Variants in ZNF704 observed in about 807,000 individuals in gnomAD.
ZNF704 encodes the protein zinc finger protein 704.
A neutral mutation model predicts 44.7 loss-of-function variants in ZNF704; 10 were observed. The observed-to-expected ratio is 0.22, with a 90% CI of 0.14 to 0.38. ZNF704 has a LOEUF of 0.38. Ranked by LOEUF, ZNF704 falls within the 10% of genes least tolerant of loss-of-function variation. The pLI, the probability that ZNF704 is intolerant of heterozygous loss-of-function variation, is 1.00. For synonymous variants in ZNF704, 211 were observed against 207.6 expected, an observed-to-expected ratio of 1.02 and a Z score of -0.14; for missense variants, 390 against 545.5, an observed-to-expected ratio of 0.71 and a Z score of 2.84.
chr8:80,711,192 GTATGT>G (rs1366709972), intron 2 of ZNF704, among the ~76,000 whole-genome samples: 5 of 152,164 alleles, frequency 3.3e-5, no homozygotes, highest in Non-Finnish European at 7.3e-5. Context: ...CAACAGCTCT[GTATGT>G]TCTAGCCTTC....
At chr8:80,756,340 A>C (rs1807034383) in intron 2 of ZNF704, among the ~76,000 whole-genome samples, 1 of 152,196 alleles carries the variant, frequency 6.6e-6, no homozygotes, top group Non-Finnish European at 1.5e-5. Flanking sequence ...TTCATTACTG[A>C]TTATGTACCA....
intron 2 of ZNF704, 100 bp from the exon 3 acceptor site, chr8:80,693,207 C>G: frequency 1.0e-6 from 1 of 958,518 alleles, no homozygotes; most frequent in Non-Finnish European, 1.7e-6. Flanking sequence ...ATTAACTTAT[C>G]CCCATGAACA....
At chr8:80,796,556 T>C (rs937679055) in intron 2 of ZNF704, among the ~76,000 whole-genome samples, 3 of 152,330 alleles carry the variant, frequency 2.0e-5, no homozygotes, top group South Asian at 2.1e-4. Flanking sequence ...CACAAACAAA[T>C]GTATTCATTC....
chr8:80,821,151 T>A (rs537696448), intron 2 of ZNF704, among the ~76,000 whole-genome samples: 65 of 152,346 alleles, frequency 4.3e-4, no homozygotes, highest in African/African-American at 1.2e-3. Context: ...GAATAAAACA[T>A]TTCTTTTCTA....
At position 80,821,598 on chromosome 8, in the gene ZNF704, C is replaced by T; in HGVS notation, c.-4G>A. ...CTGACTGAAATGTGAAGGTCATTTC[C>T]CGCTTAATGCTCCCCACCTGTGAAA... On this transcript the variant is annotated 5_prime_UTR_variant, in exon 2 of 9. Coordinates refer to ENST00000327835, the MANE Select transcript of ZNF704 (RefSeq NM_001033723.3). 6.2e-7 allele frequency: 1 copy of T among 1,612,804 alleles called. No individual in the cohort carries two copies.
intron 2 of ZNF704, among the ~76,000 whole-genome samples, chr8:80,815,355 A>G (rs954935389): frequency 6.6e-6 from 1 of 152,226 alleles, no homozygotes; most frequent in Non-Finnish European, 1.5e-5. Flanking sequence ...CTTTAGAGTT[A>G]TAATTAGAAG....
At chr8:80,858,451 G>A (rs968213843) in intron 1 of ZNF704, among the ~76,000 whole-genome samples, 1 of 152,144 alleles carries the variant, frequency 6.6e-6, no homozygotes, top group African/African-American at 2.4e-5. Context: ...TATTGATGGA[G>A]CTGGGCACGG....
intron 2 of ZNF704, among the ~76,000 whole-genome samples, chr8:80,766,051 T>A (rs1437162452): frequency 6.6e-6 from 1 of 152,164 alleles, no homozygotes; most frequent in African/African-American, 2.4e-5. Context: ...CAATTACTAC[T>A]CCTTCTCTTG....
chr8:80,661,509 A>C (rs1414286165), intron 6 of ZNF704, among the ~76,000 whole-genome samples: 1 of 152,220 alleles, frequency 6.6e-6, no homozygotes, highest in African/African-American at 2.4e-5. Context: ...TTATTGCAGC[A>C]CTATTCACAA....
intron 4 of ZNF704, among the ~76,000 whole-genome samples, chr8:80,676,041 TG>T (rs1451689158): frequency 1.3e-5 from 2 of 152,184 alleles, no homozygotes; most frequent in East Asian, 3.9e-4. Context: ...TAGAAGAAAG[TG>T]TCTTAGGAAG....
intron 2 of ZNF704, among the ~76,000 whole-genome samples, chr8:80,753,119 C>T (rs1272691179): frequency 6.6e-6 from 1 of 152,188 alleles, no homozygotes; most frequent in Non-Finnish European, 1.5e-5. Context: ...TAAAAGCTGG[C>T]CACTGTTATG....
intron 2 of ZNF704, among the ~76,000 whole-genome samples, chr8:80,759,353 T>C (rs954842100): frequency 2.0e-5 from 3 of 151,910 alleles, no homozygotes; most frequent in African/African-American, 7.3e-5. Context: ...GTGAGTAATA[T>C]TTAAATCAAC....
chr8:80,703,650 G>A (rs567685074), intron 2 of ZNF704, among the ~76,000 whole-genome samples: 1 of 152,102 alleles, frequency 6.6e-6, no homozygotes, highest in Admixed American at 6.5e-5. Flanking sequence ...AATTTTTTAA[G>A]TTTCTGTAGA....
intron 2 of ZNF704, among the ~76,000 whole-genome samples, chr8:80,767,769 C>G (rs1807252374): frequency 6.6e-6 from 1 of 152,190 alleles, no homozygotes; most frequent in South Asian, 2.1e-4. Context: ...AAGAAATTCA[C>G]TTCGCTCTAC....
intron 2 of ZNF704, among the ~76,000 whole-genome samples, chr8:80,795,761 A>T (rs1484639853): frequency 1.3e-5 from 2 of 152,076 alleles, no homozygotes; most frequent in South Asian, 2.1e-4. Flanking sequence ...TAATATAACA[A>T]TGAAATTATG....
At chr8:80,847,004 C>A (rs1484249768) in intron 1 of ZNF704, among the ~76,000 whole-genome samples, 1 of 152,024 alleles carries the variant, frequency 6.6e-6, no homozygotes, top group Non-Finnish European at 1.5e-5. Context: ...GAAACCCTGT[C>A]TCTACTAAAA....
intron 2 of ZNF704, among the ~76,000 whole-genome samples, chr8:80,754,101 C>T (rs1306671235): frequency 6.6e-6 from 1 of 152,198 alleles, no homozygotes; most frequent in Admixed American, 6.5e-5. Context: ...TGTCTACTCC[C>T]AAACCTAAAG....
chr8:80,631,003 TAA>T lies in ZNF704; in HGVS notation c.*10361_*10362del, dbSNP rs977748881. The T allele has an allele frequency of 5.3e-5, 8 of 152,308 alleles. No individual in the cohort carries two copies. The highest frequency in any genetic ancestry group is 1.0e-4 in the Non-Finnish European group (7 of 68,018). 9.4% of individuals were successfully genotyped at this position (152,308 alleles called of 1,614,324 possible). ...ATTTTTTAGTTCTTCCCTAAAAAGCTAAGTCTTTTCTAAAGCTTTCTACCAAT... is the reference window on the plus strand; with the variant it reads ...ATTTTTTAGTTCTTCCCTAAAAAGCTGTCTTTTCTAAAGCTTTCTACCAAT... On this transcript the variant is annotated 3_prime_UTR_variant, in exon 9 of 9. Coordinates refer to ENST00000327835, the MANE Select transcript of ZNF704 (RefSeq NM_001033723.3).
chr8:80,692,919 G>T (rs1339891745), intron 3 of ZNF704, 85 bp downstream of exon 3: 5 of 1,233,128 alleles, frequency 4.1e-6, no homozygotes, highest in African/African-American at 3.0e-5. Context: ...GGTTCATAGC[G>T]CTTGACAGGA....
Sources: allele counts gnomAD v4.1 joint callset (sites outside exome capture counted in the v4.1 genomes callset), GRCh38; gene constraint gnomAD v4.1.1; transcripts MANE v1.5; gene names NCBI Gene and HGNC (gene_info 2026-07-23, HGNC 2026-07-21).